OBSL1: variants seen among roughly 807,000 people sequenced by gnomAD.
OBSL1 encodes obscurin like cytoskeletal adaptor 1, also known as obscurin-like protein 1.
A neutral mutation model predicts 172.0 loss-of-function variants in OBSL1; 160 were observed. That is an observed-to-expected ratio of 0.93 (90% CI 0.82 to 1.06). The LOEUF (loss-of-function observed/expected upper bound fraction) is 1.06. Among genes scored for constraint, OBSL1 ranks in the 50% least tolerant of loss-of-function variants. The probability of loss-of-function intolerance (pLI) is 0.00; values close to 1 mark genes in which losing one functional copy is unlikely to be tolerated. For missense variants in OBSL1, 2,681 were observed against 2,715.4 expected (o/e 0.99, Z 0.28); for synonymous variants, 1,200 against 1,196.3 (o/e 1.00, Z -0.06).
At chr2:219,551,833 G>C (rs780127970) in intron 19 of OBSL1, 35 bp from the exon 20 acceptor site, 3 of 1,380,600 alleles carry the variant, frequency 2.2e-6, no homozygotes, top group Non-Finnish European at 2.0e-6. Flanking sequence ...AGTTAATAGG[G>C]ACACGCATGG....
In OBSL1 at chr2:219,563,409, C is replaced by T. The variant is rs1443802563; in HGVS notation, c.2626G>A (p.Glu876Lys). 1.2e-6 allele frequency: 2 copies of T among 1,610,472 alleles called. No individual in the cohort carries two copies. Among genetic ancestry groups the T allele is most frequent in the Admixed American group, 1.7e-5 (1 of 59,820 alleles). Residue 876 changes from glutamate to lysine, a missense_variant, in exon 7 of 21, where the codon GAG becomes AAG. By Grantham distance (56) the Glu-to-Lys change is moderately conservative (BLOSUM62 1). Transcript: ENST00000404537. Reference sequence around the variant, plus strand: ...TCATCTCCAGCGACGCACTGAAACTCGCCCCCGTCTGAGGGCTGGGTGGCG... The same window carrying T: ...TCATCTCCAGCGACGCACTGAAACTTGCCCCCGTCTGAGGGCTGGGTGGCG... ...LPATQPSDGGEFQCVAGDECA... is the reference protein window; with the variant it reads ...LPATQPSDGGKFQCVAGDECA...
Position 219,570,962 on chromosome 2 carries a change from C to A in OBSL1, c.271G>T (p.Gly91Cys). The A allele has an allele frequency of 7.8e-7, 1 of 1,283,128 alleles. No homozygotes were observed. The highest frequency in any genetic ancestry group is 9.8e-7 in the Non-Finnish European group (1 of 1,022,400). 79.5% of individuals were successfully genotyped at this position (1,283,128 alleles called of 1,614,324 possible). ...VYVCRARNAAGEAYAAAAVTV... is the reference protein window; with the variant it reads ...VYVCRARNAACEAYAAAAVTV... The stretch of plus-strand genomic sequence containing the variant: ...ACGGCGGCCGCCGCGTAGGCCTCGC[C>A]GGCCGCGTTGCGGGCGCGGCACACG... Residue 91 changes from glycine (G) to cysteine (C), a missense_variant, in exon 1 of 21, where the codon GGC becomes TGC. Gly to Cys is a radical substitution (Grantham distance 159). Coordinates refer to ENST00000404537, the MANE Select transcript of OBSL1 (RefSeq NM_015311.3).
At chr2:219,555,791 C>A (rs1390929321) in intron 14 of OBSL1, 1 of 1,383,232 alleles carries the variant, frequency 7.2e-7, no homozygotes, top group East Asian at 2.6e-5. Flanking sequence ...ATAGCAAAGC[C>A]GACTTGGAAA....
downstream of OBSL1, chr2:219,547,435 A>G: frequency 8.0e-7 from 1 of 1,242,562 alleles, no homozygotes; most frequent in Middle Eastern, 2.4e-4. Context: ...CATGTCCTTG[A>G]CCCCTTGGAC....
In OBSL1 at chr2:219,570,941, C is replaced by A. The variant is rs1430628496; in HGVS notation, c.292G>T (p.Ala98Ser). Residue 98 changes from alanine to serine, a missense_variant, in exon 1 of 21, where the codon GCC becomes TCC. Physicochemically the swap from Ala to Ser is moderately conservative, Grantham distance 99 (BLOSUM62 1). This residue lies in a region of OBSL1 where 67 missense variants were observed against 109.3 expected (regional missense o/e 0.61). Coordinates refer to ENST00000404537, the MANE Select transcript of OBSL1 (RefSeq NM_015311.3). ...GCCGGCGGCTCCAGCACGGTGACGG[C>A]GGCCGCCGCGTAGGCCTCGCCGGCC... ...NAAGEAYAAA[A>S]VTVLEPPASD... The A allele has an allele frequency of 7.8e-7, 1 of 1,273,918 alleles. No individual in the cohort carries two copies. 78.9% of individuals were successfully genotyped at this position (1,273,918 alleles called of 1,614,324 possible). A position where few individuals can be genotyped will look rare whatever the true frequency, so the allele number is the denominator to read the frequency against.
At chr2:219,549,897 G>A, downstream of OBSL1, 16 of 1,591,596 alleles carry the variant, frequency 1.0e-5, no homozygotes, top group Non-Finnish European at 1.3e-5. Context: ...AGCTCTGCCA[G>A]CTCGAGGAGG....
At chr2:219,561,828 G>A in intron 8 of OBSL1, 2 of 715,022 alleles carry the variant, frequency 2.8e-6, no homozygotes, top group Non-Finnish European at 2.6e-6. Flanking sequence ...GAGGCAAAAA[G>A]CAATGGCAGG....
chr2:219,547,842 C>T (rs1210560396), downstream of OBSL1: 1 of 1,587,472 alleles, frequency 6.3e-7, no homozygotes, highest in Non-Finnish European at 8.5e-7. Context: ...CTGCGCTGGC[C>T]CCGCCCACTC....
At chr2:219,547,642 C>T, downstream of OBSL1, 1 of 1,525,602 alleles carries the variant, frequency 6.6e-7, no homozygotes, top group Non-Finnish European at 8.8e-7. Flanking sequence ...TCGCTCTGGG[C>T]ATCGGGCTGC....
Position 219,568,116 on chromosome 2 carries a change from A to G in OBSL1, c.1221T>C (p.Asp407=). 2.5e-6 allele frequency: 4 copies of G among 1,613,780 alleles called. No homozygotes were observed. The highest frequency in any genetic ancestry group is 2.2e-5 in the East Asian group (1 of 44,886). Residue 407 remains aspartate (D), a synonymous_variant, in exon 2 of 21, where the codon GAT becomes GAC. Transcript: ENST00000404537. This position sits in a 1 kb window ranked among gnomAD's most constrained non-coding sequence, Gnocchi z 4.1. Reference sequence around the variant, plus strand: ...CCCGCATCTCGCACAGGTAGATACCATCATCGTCTGCCTTCAGCCTGTGGA... The same window carrying G: ...CCCGCATCTCGCACAGGTAGATACCGTCATCGTCTGCCTTCAGCCTGTGGA... ...LIIHRLKADD[D]GIYLCEMRGR...
In OBSL1 at chr2:219,567,843, A is replaced by T. The variant is rs774125528; in HGVS notation, c.1409T>A (p.Val470Asp). Residue 470 changes from valine (V) to aspartate (D), a missense_variant, in exon 3 of 21, where the codon GTC (valine) becomes GAC (aspartate). This residue lies in a region of OBSL1 where 706 missense variants were observed against 695.8 expected (regional missense o/e 1.01). Coordinates refer to ENST00000404537, the MANE Select transcript of OBSL1 (RefSeq NM_015311.3). ...GTGGCCTGAGCTGCTCTGGCAGATG[A>T]CCGGCAGCTCCTCCCCATCACGGCT... ...RWSRDGEELP[V>D]ICQSSSGHMH... 2 of 1,613,872 alleles carry T rather than the reference A, an allele frequency of 1.2e-6. No individual in the cohort carries two copies. The highest frequency in any genetic ancestry group is 4.5e-5 in the East Asian group (2 of 44,870).
In OBSL1 at chr2:219,554,579, C is replaced by A; in HGVS notation, c.4771G>T (p.Gly1591Cys). 6.2e-7 allele frequency: 1 copy of A among 1,613,334 alleles called. No homozygotes were observed. The highest frequency in any genetic ancestry group is 8.5e-7 in the Non-Finnish European group (1 of 1,179,836). The change falls in exon 15 of 21, where the codon GGC (glycine) becomes TGC (cysteine). Residue 1591 changes from glycine (G) to cysteine (C), a missense_variant. By Grantham distance (159) the Gly-to-Cys change is radical. Transcript: ENST00000404537. ...TTGAGTACCAGTCGGTGACGGTGGC[C>A]GTCCGAGTGGATGTGACACTTGGGT... ...PGPKCHIHSD[G>C]HRHRLVLNGL...
In OBSL1 at chr2:219,565,398, T is replaced by G. The variant is rs752432471; in HGVS notation, c.2251A>C (p.Lys751Gln). ...SRVDFPATWY[K>Q]DGQKVEESEL... ...CTCTCCTCCACCTTCTGCCCATCCTTGTACCAGGTTGCCGGGAAGTCCACC... is the reference window on the plus strand; with the variant it reads ...CTCTCCTCCACCTTCTGCCCATCCTGGTACCAGGTTGCCGGGAAGTCCACC... Residue 751 changes from lysine (K) to glutamine (Q), a missense_variant, in exon 6 of 21, where the codon AAG (lysine) becomes CAG (glutamine). Lys to Gln is a moderately conservative substitution (Grantham distance 53). Coordinates refer to ENST00000404537, the MANE Select transcript of OBSL1 (RefSeq NM_015311.3). The G allele has an allele frequency of 2.5e-6, 4 of 1,613,900 alleles. No homozygotes were observed. The Admixed American group carries it at 5.0e-5, about 20-fold the overall frequency.
chr2:219,556,807 G>A (rs1030590739), intron 12 of OBSL1, 84 bp from the exon 13 acceptor site: 384 of 1,406,608 alleles, frequency 2.7e-4, no homozygotes, highest in Non-Finnish European at 3.3e-4. Flanking sequence ...GCAGGCCCTC[G>A]TCCCCAGTCA....
chr2:219,548,849 G>A (rs1442953701), downstream of OBSL1, among the ~76,000 whole-genome samples: 1 of 152,280 alleles, frequency 6.6e-6, no homozygotes, highest in Non-Finnish European at 1.5e-5. Context: ...AGAAGCAGCT[G>A]TGATTGTCCA....
In OBSL1 at chr2:219,557,469, GC is replaced by G; in HGVS notation, c.3939del (p.Arg1314GlyfsTer47). On this transcript the variant is annotated frameshift_variant, in exon 12 of 21. Transcript: ENST00000404537. LOFTEE classifies it high-confidence loss of function. ...YKDGERLASQ[G>X]RVQLEQAGAR... ...GCCCCGGCCTGCTCCAGCTGCACCC[GC>G]CCCTGGCTTGCCAGTCGCTCCCCGT... 2 of 1,551,616 alleles carry G rather than the reference GC, an allele frequency of 1.3e-6. No homozygotes were observed. The highest frequency in any genetic ancestry group is 1.7e-6 in the Non-Finnish European group (2 of 1,148,388).
intron 14 of OBSL1, chr2:219,555,221 C>T (rs889523867): frequency 6.3e-6 from 1 of 157,590 alleles, no homozygotes; most frequent in African/African-American, 2.4e-5. Context: ...TCACAAATGA[C>T]AACCATTCAC....
At chr2:219,548,991 A>G (rs2105996934), downstream of OBSL1, 1 of 715,762 alleles carries the variant, frequency 1.4e-6, no homozygotes, top group South Asian at 1.8e-5. Context: ...GTCTCCTCTG[A>G]GAGGTAGGAG....
intron 16 of OBSL1, 130 bp downstream of exon 16, chr2:219,553,444 G>A: frequency 2.7e-6 from 2 of 742,846 alleles, no homozygotes; most frequent in South Asian, 1.6e-5. Context: ...TGGAGTAAGG[G>A]ATTAAATATA....
Sources: gnomAD v4.1 joint callset for allele counts (sites outside exome capture counted in the v4.1 genomes callset) on GRCh38, gnomAD v4.1.1 for gene constraint, gnomAD v4.1.1 regional missense constraint, Gnocchi (gnomAD v3.1) non-coding constraint, MANE v1.5 for transcripts, NCBI Gene and HGNC (gene_info 2026-07-23, HGNC 2026-07-21) for gene names.